SLC25A48: variants seen among roughly 807,000 people sequenced by gnomAD.
SLC25A48 encodes CTC-321K16.1.
Under a neutral mutation model 32.2 loss-of-function variants are expected in SLC25A48, and 29 were observed. The observed-to-expected ratio is 0.90, with a 90% confidence interval of 0.67 to 1.23. The LOEUF (loss-of-function observed/expected upper bound fraction) is 1.23. Ranked by LOEUF, SLC25A48 falls within the 50% of genes most tolerant of loss-of-function variation. SLC25A48 has a pLI of 0.00. For synonymous variants in SLC25A48, 164 were observed against 172.3 expected (o/e 0.95, Z 0.38); for missense variants, 399 against 422.7 (o/e 0.94, Z 0.49).
intron 3 of SLC25A48, among the ~76,000 whole-genome samples, chr5:135,731,011 A>T (rs903566786): frequency 2.5e-4 from 38 of 152,210 alleles, no homozygotes; most frequent in African/African-American, 9.2e-4. Context: ...ACTCATGTCC[A>T]TGTGAAGAGA....
At chr5:135,797,144 T>G (rs1757204930) in intron 3 of SLC25A48, among the ~76,000 whole-genome samples, 1 of 151,912 alleles carries the variant, frequency 6.6e-6, no homozygotes, top group African/African-American at 2.4e-5. Context: ...TTCTGTGATA[T>G]TCTTCCTAAT....
At chr5:135,881,547 A>G (rs1357936409) in intron 7 of SLC25A48, among the ~76,000 whole-genome samples, 2 of 152,268 alleles carry the variant, frequency 1.3e-5, no homozygotes, top group Non-Finnish European at 2.9e-5. Flanking sequence ...AACACAGTTT[A>G]CATAATTAAA....
intron 3 of SLC25A48, among the ~76,000 whole-genome samples, chr5:135,752,853 G>A (rs1755800853): frequency 6.6e-6 from 1 of 151,716 alleles, no homozygotes; most frequent in African/African-American, 2.4e-5. Context: ...ATATTACATG[G>A]TCTACACACT....
In SLC25A48 at chr5:135,764,139, A is replaced by T. The variant is rs560709679; in HGVS notation, c.-520-48384A>T. ...CTCTGTGATATGGTTTGTAATATCCAGGGAGGTAGAGGATGATATTTCTTT... is the reference window on the plus strand; with the variant it reads ...CTCTGTGATATGGTTTGTAATATCCTGGGAGGTAGAGGATGATATTTCTTT... On this transcript the variant is annotated intron_variant, in intron 3 of 10. Transcript: ENST00000646290. Among the ~76,000 whole-genome samples the T allele has an allele frequency of 3.3e-5, 5 of 152,168 alleles. No homozygotes were observed. In the East Asian group the frequency reaches 9.7e-4, roughly 29 times the overall value.
intron 3 of SLC25A48, among the ~76,000 whole-genome samples, chr5:135,723,591 TG>T (rs1363797286): frequency 1.4e-5 from 2 of 147,534 alleles, no homozygotes; most frequent in Non-Finnish European, 3.0e-5. Context: ...ATAACAGAAA[TG>T]TTGCTTTAAT....
chr5:135,873,454 A>G (rs1203105052), intron 5 of SLC25A48, among the ~76,000 whole-genome samples: 2 of 152,186 alleles, frequency 1.3e-5, no homozygotes, highest in Non-Finnish European at 2.9e-5. Context: ...AGATTTTTCA[A>G]AAAGCTGTCC....
At chr5:135,810,854 T>A (rs1050242899) in intron 3 of SLC25A48, among the ~76,000 whole-genome samples, 4 of 152,158 alleles carry the variant, frequency 2.6e-5, no homozygotes, top group African/African-American at 9.7e-5. Flanking sequence ...TTGCCAGCAC[T>A]CGCAAGGGTT....
At chr5:135,871,762 A>C (rs1487321341) in intron 5 of SLC25A48, 44 bp downstream of exon 5, 4 of 1,603,460 alleles carry the variant, frequency 2.5e-6, no homozygotes, top group East Asian at 2.2e-5. Context: ...TGCAGGCCAC[A>C]GCAGTGGGAC....
At chr5:135,885,732 G>A (rs1404237657) in intron 7 of SLC25A48, among the ~76,000 whole-genome samples, 3 of 152,196 alleles carry the variant, frequency 2.0e-5, no homozygotes, top group African/African-American at 4.8e-5. Flanking sequence ...AAAAATGCAA[G>A]CATGACCATG....
At chr5:135,720,616 C>G (rs1460070754) in intron 3 of SLC25A48, among the ~76,000 whole-genome samples, 1 of 152,176 alleles carries the variant, frequency 6.6e-6, no homozygotes, top group South Asian at 2.1e-4. Flanking sequence ...CTGTGGCTCC[C>G]GATATCCATC....
intron 1 of SLC25A48, among the ~76,000 whole-genome samples, chr5:135,581,068 T>C (rs1751222810): frequency 6.6e-6 from 1 of 152,214 alleles, no homozygotes; most frequent in African/African-American, 2.4e-5. Flanking sequence ...ATTGGTTTCC[T>C]CATCTGTGAG....
At position 135,888,128 on chromosome 5, in the gene SLC25A48, G is replaced by T. The variant is rs1173639369; in HGVS notation, c.*104G>T. 6.5e-7 allele frequency: 1 copy of T among 1,542,422 alleles called. No individual in the cohort carries two copies. Among genetic ancestry groups the T allele is most frequent in the East Asian group, 2.5e-5 (1 of 40,798 alleles). On this transcript the variant is annotated 3_prime_UTR_variant, in exon 8 of 8. Coordinates refer to ENST00000681962, the MANE Select transcript of SLC25A48 (RefSeq NM_001349336.2). ...TGTTTGGCCTTTGGACCTCCAAGTG[G>T]ACATCAATTAGCAAGCGTGGGCTAG...
At chr5:135,646,823 G>A (rs1752975163) in intron 3 of SLC25A48, among the ~76,000 whole-genome samples, 1 of 151,358 alleles carries the variant, frequency 6.6e-6, no homozygotes, top group South Asian at 2.1e-4. Context: ...TAGGGAGTGG[G>A]GGAAATGGGA....
chr5:135,646,184 G>A (rs1055407779), intron 3 of SLC25A48, among the ~76,000 whole-genome samples: 3 of 152,172 alleles, frequency 2.0e-5, no homozygotes, highest in Non-Finnish European at 2.9e-5. Flanking sequence ...CCGCTGGAAG[G>A]ATTTGCACAC....
At chr5:135,724,730 C>T (rs767719884) in intron 3 of SLC25A48, among the ~76,000 whole-genome samples, 65 of 152,206 alleles carry the variant, frequency 4.3e-4, no homozygotes, top group African/African-American at 1.5e-3. Flanking sequence ...CTGTTCTCCT[C>T]GTTGGGAGAT....
chr5:135,734,983 C>A (rs796452126), intron 3 of SLC25A48, among the ~76,000 whole-genome samples: 1 of 152,158 alleles, frequency 6.6e-6, no homozygotes, highest in Non-Finnish European at 1.5e-5. Flanking sequence ...AGTCAGAGAG[C>A]CTTGGGCCAG....
intron 3 of SLC25A48, among the ~76,000 whole-genome samples, chr5:135,701,514 T>C (rs2126966641): frequency 6.6e-6 from 1 of 152,128 alleles, no homozygotes; most frequent in East Asian, 1.9e-4. Context: ...GAACACTGAA[T>C]TGCATATTGC....
At chr5:135,725,677 G>A (rs1375041911) in intron 3 of SLC25A48, among the ~76,000 whole-genome samples, 1 of 152,102 alleles carries the variant, frequency 6.6e-6, no homozygotes, top group Non-Finnish European at 1.5e-5. Flanking sequence ...GCAGTCAGAG[G>A]TGTTAGCTGT....
At chr5:135,580,827 A>G (rs967286984) in intron 1 of SLC25A48, among the ~76,000 whole-genome samples, 1 of 152,180 alleles carries the variant, frequency 6.6e-6, no homozygotes, top group Non-Finnish European at 1.5e-5. Flanking sequence ...ACATGTACAC[A>G]TGGGATCAGG....
Sources: allele counts gnomAD v4.1 joint callset (sites outside exome capture counted in the v4.1 genomes callset), GRCh38; gene constraint gnomAD v4.1.1; transcripts MANE v1.5; gene names NCBI Gene and HGNC (gene_info 2026-07-23, HGNC 2026-07-21).